The following CDKL5 variants were observed in gnomAD, a reference collection of about 807,000 sequenced individuals.
CDKL5 encodes the protein cyclin-dependent kinase-like 5.
In CDKL5, 8 loss-of-function variants were observed where a neutral mutation model predicts 61.7. That is an observed-to-expected ratio of 0.13 (90% CI 0.08 to 0.23). The LOEUF is 0.23. CDKL5 is among the 10% of genes least tolerant of loss of function. The probability of loss-of-function intolerance (pLI) is 1.00; values close to 1 mark genes in which losing one functional copy is unlikely to be tolerated. For synonymous variants in CDKL5, 275 were observed against 272.3 expected, an observed-to-expected ratio of 1.01 and a Z score of -0.10; for missense variants, 440 against 734.5, an observed-to-expected ratio of 0.60 and a Z score of 4.63.
At chrX:18,438,378 C>A (rs1040531110) in intron 1 of CDKL5, among the ~76,000 whole-genome samples, 22 of 110,385 alleles carry the variant, frequency 2.0e-4, no homozygotes, top group Non-Finnish European at 3.4e-4. Flanking sequence ...GAGGTACACT[C>A]AACAGGCACT....
intron 3 of CDKL5, among the ~76,000 whole-genome samples, chrX:18,525,674 G>C (rs1016725524): frequency 9.1e-6 from 1 of 109,720 alleles, no homozygotes; most frequent in African/African-American, 3.3e-5. Flanking sequence ...AGCTTCTGGG[G>C]ATTTGGATTG....
chrX:18,647,542 C>CA (rs1313030071), intron 20 of CDKL5: 24 of 432,056 alleles, frequency 5.6e-5, no homozygotes, highest in Non-Finnish European at 8.1e-5. Context: ...AAGGAATTGC[C>CA]ATAGAGACTC....
chrX:18,581,667 GA>G (rs749233918), intron 6 of CDKL5, among the ~76,000 whole-genome samples: 3 of 111,130 alleles, frequency 2.7e-5, no homozygotes, highest in African/African-American at 9.7e-5. Flanking sequence ...ACTTAAAGAG[GA>G]AAAAAATATT....
rs1422866195 is a variant in CDKL5 at position 18,634,210 on chromosome X, T to G, written c.*5453T>G. ...ACAGGGTATCAGGGAGAAAGAGGCC[T>G]TATCTGTTCCTCCATCCCCCCTGTT... On this transcript the variant is annotated 3_prime_UTR_variant, in exon 18 of 18. Coordinates refer to ENST00000623535, the MANE Select transcript of CDKL5 (RefSeq NM_001323289.2). 1.3e-6 allele frequency: 1 copy of G among 751,541 alleles called. No homozygotes were observed. Among genetic ancestry groups the G allele is most frequent in the Non-Finnish European group, 1.6e-6 (1 of 638,360 alleles). 61.9% of individuals were successfully genotyped at this position (751,541 alleles called of 1,213,427 possible).
chrX:18,566,617 G>A (rs1261736800), intron 4 of CDKL5, among the ~76,000 whole-genome samples: 1 of 112,106 alleles, frequency 8.9e-6, no homozygotes, highest in African/African-American at 3.2e-5. Flanking sequence ...GTGAAGTGCT[G>A]TAAGAGTTGA....
At chrX:18,448,863 T>A (rs745751037) in intron 1 of CDKL5, among the ~76,000 whole-genome samples, 51 of 111,973 alleles carry the variant, frequency 4.6e-4, no homozygotes, top group Non-Finnish European at 8.5e-4. Context: ...TAAATTTATT[T>A]ATTTATTTTT....
intron 1 of CDKL5, among the ~76,000 whole-genome samples, chrX:18,475,437 GGCATGCCCACCAT>G (rs1921272513): frequency 9.1e-6 from 1 of 110,142 alleles, no homozygotes; most frequent in South Asian, 3.9e-4. Flanking sequence ...TGGGACCACA[GGCATGCCCACCAT>G]GCTTGGCTAA....
downstream of CDKL5, chrX:18,644,596 C>G: frequency 2.5e-6 from 3 of 1,211,737 alleles, no homozygotes; most frequent in Non-Finnish European, 3.4e-6. Context: ...CCACTGGCTA[C>G]TGTCCTGGAA....
rs1210773691 is a variant in CDKL5 at position 18,616,660 on chromosome X, A to C, written c.2277-3207A>C. On this transcript the variant is annotated intron_variant, in intron 15 of 17. Transcript: ENST00000623535. ...AAAAGAAAGAAATCCCACTAGTTAA[A>C]TGAAGAATTGCTGTAACTTGCACAA... Among the ~76,000 whole-genome samples, 3 of 110,992 alleles carry C rather than the reference A, an allele frequency of 2.7e-5. No homozygotes were observed. In the East Asian group the frequency reaches 8.4e-4, roughly 31 times the overall value.
Position 18,630,720 on chromosome X carries a change from G to C in CDKL5, c.*1963G>C, listed in dbSNP as rs954276401. On this transcript the variant is annotated 3_prime_UTR_variant, in exon 18 of 18. Transcript: ENST00000623535. ...TGTAATAGGCACTAAAATGAAACTC[G>C]ACTGGGTACTATTACTGAAAAAATT... is the stretch of plus-strand genomic sequence containing the variant. 2 of 746,402 alleles carry C rather than the reference G, an allele frequency of 2.7e-6. No homozygotes were observed. The highest frequency in any genetic ancestry group is 4.7e-5 in the African/African-American group (2 of 42,165). The allele number at this position is 746,402 out of a possible 1,213,427, so 61.5% of individuals were successfully genotyped here.
chrX:18,602,083 C>T (rs1926196574), intron 11 of CDKL5, among the ~76,000 whole-genome samples: 2 of 111,215 alleles, frequency 1.8e-5, no homozygotes, highest in Non-Finnish European at 3.8e-5. Context: ...GGGAAGACAT[C>T]CCCCAGCCCC....
chrX:18,651,250 TG>T (rs1928023074), intron 21 of CDKL5, among the ~76,000 whole-genome samples: 2 of 98,459 alleles, frequency 2.0e-5, no homozygotes, highest in Non-Finnish European at 4.0e-5. Context: ...TGTGTGTGTG[TG>T]TGTGTGTGTG....
At chrX:18,484,654 A>G (rs1263400063) in intron 1 of CDKL5, among the ~76,000 whole-genome samples, 1 of 111,789 alleles carries the variant, frequency 8.9e-6, no homozygotes, top group Non-Finnish European at 1.9e-5. Context: ...ATGAATTGTT[A>G]GAATGGTTTA....
intron 9 of CDKL5, among the ~76,000 whole-genome samples, chrX:18,590,823 T>C (rs1190382035): frequency 8.9e-6 from 1 of 111,839 alleles, no homozygotes; most frequent in East Asian, 2.8e-4. Flanking sequence ...AAATCTATTA[T>C]ACTCAGAAAT....
chrX:18,506,733 C>T (rs1922591887), intron 1 of CDKL5, among the ~76,000 whole-genome samples: 1 of 111,993 alleles, frequency 8.9e-6, no homozygotes, highest in African/African-American at 3.2e-5. Context: ...TTATATTATT[C>T]ATTTCAAATA....
chrX:18,457,055 A>G (rs1430006548), intron 1 of CDKL5, among the ~76,000 whole-genome samples: 1 of 109,520 alleles, frequency 9.1e-6, no homozygotes, highest in African/African-American at 3.3e-5. Context: ...TTGCACCTTT[A>G]TAGTTCTTAA....
chrX:18,484,668 C>G (rs1205412915), intron 1 of CDKL5, among the ~76,000 whole-genome samples: 1 of 111,450 alleles, frequency 9.0e-6, no homozygotes, highest in Non-Finnish European at 1.9e-5. Context: ...TGGTTTATCC[C>G]AAGCCCATTT....
At chrX:18,607,234 C>T (rs1211606881) in intron 12 of CDKL5, among the ~76,000 whole-genome samples, 1 of 111,073 alleles carries the variant, frequency 9.0e-6, no homozygotes, top group African/African-American at 3.3e-5. Flanking sequence ...GTCTGGCACC[C>T]AGGTGAAAGG....
chrX:18,641,975 C>G, downstream of CDKL5: 1 of 1,207,886 alleles, frequency 8.3e-7, no homozygotes, highest in Non-Finnish European at 1.1e-6. Context: ...GCCAGTCACC[C>G]CCTGGCAGGC....
Sources: allele counts gnomAD v4.1 joint callset (sites outside exome capture counted in the v4.1 genomes callset), GRCh38; gene constraint gnomAD v4.1.1; transcripts MANE v1.5; gene names NCBI Gene and HGNC (gene_info 2026-07-23, HGNC 2026-07-21).